The following FBXL17 variants were observed in gnomAD, a reference collection of about 807,000 sequenced individuals.
The protein encoded by FBXL17 is F-box/LRR-repeat protein 17.
Under a neutral mutation model 66.2 loss-of-function variants are expected in FBXL17, and 22 were observed. The ratio of observed to expected loss-of-function variants is 0.33; its 90% CI spans 0.24 to 0.47. The LOEUF is 0.47. Ranked by LOEUF, FBXL17 falls within the 20% of genes least tolerant of loss-of-function variation. The pLI, the probability that FBXL17 is intolerant of heterozygous loss-of-function variation, is 1.00. For missense variants in FBXL17, 878 were observed against 948.2 expected (o/e 0.93, Z 0.97); for synonymous variants, 474 against 400.5 (o/e 1.18, Z -2.19).
intron 5 of FBXL17, among the ~76,000 whole-genome samples, chr5:108,215,084 T>C (rs1754543146): frequency 6.6e-6 from 1 of 152,350 alleles, no homozygotes; most frequent in Middle Eastern, 3.4e-3. Context: ...TGTATGAATA[T>C]ACCACATTCT....
At chr5:108,308,484 A>G (rs1039309757) in intron 4 of FBXL17, among the ~76,000 whole-genome samples, 12 of 152,126 alleles carry the variant, frequency 7.9e-5, no homozygotes, top group Non-Finnish European at 1.5e-4. Flanking sequence ...ACCACTAGTA[A>G]GAACTCTGAC....
chr5:108,317,072 C>T (rs1042082422), intron 4 of FBXL17, among the ~76,000 whole-genome samples: 7 of 151,034 alleles, frequency 4.6e-5, no homozygotes, highest in African/African-American at 1.5e-4. Context: ...CTGAGTTATA[C>T]CACTATCAAA....
At chr5:108,259,615 G>GA (rs1283022814) in intron 4 of FBXL17, among the ~76,000 whole-genome samples, 1 of 151,982 alleles carries the variant, frequency 6.6e-6, no homozygotes, top group Admixed American at 6.6e-5. Context: ...AATGTTGCTT[G>GA]AAAAAAATTC....
chr5:107,980,290 A>G (rs1752757956), intron 7 of FBXL17, among the ~76,000 whole-genome samples: 1 of 152,152 alleles, frequency 6.6e-6, no homozygotes, highest in Admixed American at 6.5e-5. Flanking sequence ...AAAAGACAGA[A>G]AGGGGATAAA....
chr5:108,131,919 TAGG>T (rs1180328536), intron 6 of FBXL17, among the ~76,000 whole-genome samples: 1 of 152,100 alleles, frequency 6.6e-6, no homozygotes, highest in East Asian at 1.9e-4. Flanking sequence ...AGTATTCTAC[TAGG>T]AGGATAACCA....
intron 7 of FBXL17, among the ~76,000 whole-genome samples, chr5:107,968,346 AAAG>A (rs1352871674): frequency 6.6e-6 from 1 of 152,160 alleles, no homozygotes; most frequent in Non-Finnish European, 1.5e-5. Flanking sequence ...AAATTCAAAA[AAAG>A]AAGTTTACTT....
intron 4 of FBXL17, among the ~76,000 whole-genome samples, chr5:108,345,703 C>T (rs1309447670): frequency 9.2e-5 from 14 of 151,746 alleles, no homozygotes; most frequent in African/African-American, 3.1e-4. Flanking sequence ...GCATTACATC[C>T]TTATAGTTAC....
chr5:108,210,298 G>T (rs1312310770), intron 5 of FBXL17, among the ~76,000 whole-genome samples: 1 of 151,950 alleles, frequency 6.6e-6, no homozygotes. Flanking sequence ...GTTTTTTCAT[G>T]TCTCTATCTC....
At position 108,071,216 on chromosome 5, in the gene FBXL17, T is replaced by C. The variant is rs540618378; in HGVS notation, c.1746-50215A>G. 1.2e-3 allele frequency among the ~76,000 whole-genome samples: 176 copies of C among 152,300 alleles called. 1 individual carries two copies. The highest frequency in any genetic ancestry group is 4.1e-3 in the African/African-American group (171 of 41,562). On this transcript the variant is annotated intron_variant, in intron 6 of 8. Coordinates refer to ENST00000542267, the MANE Select transcript of FBXL17 (RefSeq NM_001163315.3). ...GTAACTCTTGGCTTGGTTGCCAAAA[T>C]GTGCACTTTAGTATTGTGTTTCAGC...
chr5:108,254,549 G>T (rs1301522420), intron 4 of FBXL17, among the ~76,000 whole-genome samples: 5 of 152,114 alleles, frequency 3.3e-5, no homozygotes, highest in Admixed American at 2.6e-4. Context: ...GAGATGAAAT[G>T]AACAGTGGGA....
intron 7 of FBXL17, among the ~76,000 whole-genome samples, chr5:107,995,526 C>G (rs1753436639): frequency 6.6e-6 from 1 of 151,730 alleles, no homozygotes; most frequent in Non-Finnish European, 1.5e-5. Flanking sequence ...CTTTCCCTTA[C>G]TTTTAAGAAA....
At chr5:108,172,042 A>C (rs1396717603) in intron 6 of FBXL17, among the ~76,000 whole-genome samples, 1 of 152,172 alleles carries the variant, frequency 6.6e-6, no homozygotes, top group Admixed American at 6.6e-5. Flanking sequence ...TGAGAGTCCA[A>C]TTAAGCCTCT....
intron 4 of FBXL17, among the ~76,000 whole-genome samples, chr5:108,330,830 A>G (rs1465324424): frequency 6.6e-6 from 1 of 152,248 alleles, no homozygotes; most frequent in East Asian, 1.9e-4. Flanking sequence ...ACAATCTCCT[A>G]AAGATTGAGA....
chr5:108,094,067 G>A (rs997213392), intron 6 of FBXL17, among the ~76,000 whole-genome samples: 1 of 152,098 alleles, frequency 6.6e-6, no homozygotes, highest in Non-Finnish European at 1.5e-5. Flanking sequence ...TCCACATAGT[G>A]TGCTCTCTGA....
At chr5:108,207,157 A>G (rs1355064047) in intron 5 of FBXL17, among the ~76,000 whole-genome samples, 2 of 152,114 alleles carry the variant, frequency 1.3e-5, no homozygotes, top group East Asian at 3.9e-4. Flanking sequence ...CCCCCTCAAA[A>G]TATCTTCTTG....
At chr5:108,300,332 T>G (rs1758531040) in intron 4 of FBXL17, among the ~76,000 whole-genome samples, 1 of 151,928 alleles carries the variant, frequency 6.6e-6, no homozygotes, top group African/African-American at 2.4e-5. Flanking sequence ...CACTCAAACT[T>G]TTTCTACTTC....
intron 7 of FBXL17, among the ~76,000 whole-genome samples, chr5:107,894,578 C>T (rs752221840): frequency 6.6e-6 from 1 of 152,094 alleles, no homozygotes; most frequent in Non-Finnish European, 1.5e-5. Flanking sequence ...CCTGACTAAC[C>T]ATTCTCAGTT....
intron 4 of FBXL17, among the ~76,000 whole-genome samples, chr5:108,315,180 T>C (rs1759304470): frequency 6.6e-6 from 1 of 151,044 alleles, no homozygotes; most frequent in African/African-American, 2.4e-5. Flanking sequence ...AGTAAAAAGG[T>C]AATTTAAAAA....
intron 4 of FBXL17, among the ~76,000 whole-genome samples, chr5:108,270,979 T>A (rs550611121): frequency 5.3e-5 from 8 of 152,096 alleles, no homozygotes; most frequent in African/African-American, 1.9e-4. Flanking sequence ...CTTCTCCACA[T>A]TCCCTACCTC....
Sources: gnomAD v4.1 joint callset for allele counts (sites outside exome capture counted in the v4.1 genomes callset) on GRCh38, gnomAD v4.1.1 for gene constraint, MANE v1.5 for transcripts, NCBI Gene and HGNC (gene_info 2026-07-23, HGNC 2026-07-21) for gene names.